Variants in SYNPO2 observed in about 807,000 individuals in gnomAD.
The protein encoded by SYNPO2 is synaptopodin-2.
SYNPO2 carries 56 observed loss-of-function variants against 85.0 expected under a neutral mutation model. The ratio of observed to expected loss-of-function variants is 0.66; its 90% confidence interval spans 0.53 to 0.82. The LOEUF is 0.82. Among genes scored for constraint, SYNPO2 ranks in the 40% least tolerant of loss-of-function variants. SYNPO2 has a pLI of 0.00. For synonymous variants in SYNPO2, 602 were observed against 591.1 expected, an observed-to-expected ratio of 1.02 and a Z score of -0.27; for missense variants, 1,575 against 1,534.2, an observed-to-expected ratio of 1.03 and a Z score of -0.44.
intron 1 of SYNPO2, among the ~76,000 whole-genome samples, chr4:118,943,035 A>C (rs1258099759): frequency 6.6e-6 from 1 of 151,956 alleles, no homozygotes; most frequent in Non-Finnish European, 1.5e-5. Flanking sequence ...TGAACCTGGG[A>C]GGCAGAGGTT....
chr4:118,908,490 G>A (rs772723038), intron 1 of SYNPO2, among the ~76,000 whole-genome samples: 5 of 152,018 alleles, frequency 3.3e-5, no homozygotes, highest in Non-Finnish European at 5.9e-5. Context: ...ATTTTAGTTC[G>A]ATTAGATTTC....
chr4:118,948,361 T>A (rs1356676193), intron 1 of SYNPO2, among the ~76,000 whole-genome samples: 3 of 152,216 alleles, frequency 2.0e-5, no homozygotes, highest in Non-Finnish European at 2.9e-5. Context: ...ACATGGGGAA[T>A]CCATATAAAT....
chr4:118,903,109 T>TA (rs143433420), intron 1 of SYNPO2, among the ~76,000 whole-genome samples: 2,085 of 151,918 alleles, frequency 0.014, 39 homozygotes, highest in African/African-American at 0.047. Flanking sequence ...CCTTTGTAGA[T>TA]AAAAAAAATA....
intron 1 of SYNPO2, among the ~76,000 whole-genome samples, chr4:119,007,635 C>T (rs889065931): frequency 3.3e-5 from 5 of 152,202 alleles, no homozygotes; most frequent in South Asian, 2.1e-4. Flanking sequence ...CACTCATCAG[C>T]GGCACCAGAG....
At chr4:118,917,145 A>C (rs1733364976) in intron 1 of SYNPO2, among the ~76,000 whole-genome samples, 1 of 152,176 alleles carries the variant, frequency 6.6e-6, no homozygotes, top group Admixed American at 6.5e-5. Context: ...AAATTCCAGC[A>C]CTTTGGGAGG....
chr4:119,019,158 C>T (rs1028670593), intron 1 of SYNPO2, among the ~76,000 whole-genome samples: 2 of 152,080 alleles, frequency 1.3e-5, no homozygotes, highest in East Asian at 1.9e-4. Flanking sequence ...AACAACCCCC[C>T]GTGACACGTG....
chr4:118,908,516 TA>T (rs1217044256), intron 1 of SYNPO2, among the ~76,000 whole-genome samples: 1 of 152,166 alleles, frequency 6.6e-6, no homozygotes, highest in Non-Finnish European at 1.5e-5. Flanking sequence ...CGTTTCAGGA[TA>T]AAAAACATTC....
chr4:119,008,900 A>G (rs1737184749), intron 1 of SYNPO2, among the ~76,000 whole-genome samples: 1 of 152,098 alleles, frequency 6.6e-6, no homozygotes, highest in Admixed American at 6.5e-5. Context: ...CGTTTTTTCT[A>G]TAAAGCAAGC....
intron 1 of SYNPO2, among the ~76,000 whole-genome samples, chr4:119,012,412 G>A (rs1737353257): frequency 8.3e-6 from 1 of 120,510 alleles, no homozygotes; most frequent in Non-Finnish European, 1.7e-5. Context: ...TTAAGTTCTG[G>A]GATACATGTG....
chr4:118,879,440 C>A (rs1732024022), intron 1 of SYNPO2, among the ~76,000 whole-genome samples: 1 of 152,104 alleles, frequency 6.6e-6, no homozygotes, highest in African/African-American at 2.4e-5. Flanking sequence ...GAGGATAGAG[C>A]CCTTGTGAAT....
chr4:118,863,586 C>T (rs527535264), intron 1 of SYNPO2, among the ~76,000 whole-genome samples: 2 of 151,976 alleles, frequency 1.3e-5, no homozygotes, highest in South Asian at 4.2e-4. Context: ...TTTTGCTTAA[C>T]TTTTCAAAAA....
At chr4:119,041,940 A>G (rs1378002734) in intron 4 of SYNPO2, 1 of 152,214 alleles carries the variant, frequency 6.6e-6, no homozygotes, top group Non-Finnish European at 1.5e-5. Flanking sequence ...GCTGTGAACT[A>G]CACTTTGAAT....
rs533598989 is a variant in SYNPO2 at position 119,032,119 on chromosome 4, G to A, written c.3252+92G>A. 28 of 1,534,802 alleles carry A rather than the reference G, an allele frequency of 1.8e-5. No homozygotes were observed. The East Asian group carries it at 5.8e-4, about 32-fold the overall frequency. The stretch of plus-strand genomic sequence containing the variant: ...ATGAATTGTTTGCAGTGTTTCTTGA[G>A]TCCCTGAGAATGCCTAGCAAAGTCC... On this transcript the variant is annotated intron_variant, in intron 4 of 4. Transcript: ENST00000307142.
At chr4:118,871,662 G>A (rs1731803503) in intron 1 of SYNPO2, among the ~76,000 whole-genome samples, 1 of 150,696 alleles carries the variant, frequency 6.6e-6, no homozygotes, top group Non-Finnish European at 1.5e-5. Flanking sequence ...TCCGCCTTCC[G>A]GGTTCACGCC....
chr4:118,951,830 T>G (rs558802465), intron 1 of SYNPO2, among the ~76,000 whole-genome samples: 2 of 152,180 alleles, frequency 1.3e-5, no homozygotes, highest in Non-Finnish European at 2.9e-5. Context: ...TATAAACTTT[T>G]TTAAGAAGCT....
intron 3 of SYNPO2, 140 bp from the exon 4 acceptor site, chr4:119,029,705 T>C: frequency 1.3e-6 from 1 of 787,196 alleles, no homozygotes; most frequent in Non-Finnish European, 1.9e-6. Context: ...AGAAATGTGT[T>C]GGATTCCTTC....
chr4:119,026,723 G>A lies in SYNPO2; in HGVS notation c.354G>A (p.Leu118=). 1 of 1,614,172 alleles carries A rather than the reference G, an allele frequency of 6.2e-7. No individual in the cohort carries two copies. Among genetic ancestry groups the A allele is most frequent in the Non-Finnish European group, 8.5e-7 (1 of 1,180,014 alleles). Residue 118 remains leucine, a synonymous_variant, in exon 3 of 5, where the codon CTG becomes CTA. Coordinates refer to ENST00000307142, the MANE Select transcript of SYNPO2 (RefSeq NM_133477.3). ...GGGGTTATGTGGAAAGTACCACCCT[G>A]CAGATTCGACCGGCCACAAAGACCC... ...THGGYVESTT[L]QIRPATKTQC... is the part of the protein sequence containing the mutation.
intron 1 of SYNPO2, among the ~76,000 whole-genome samples, chr4:118,879,702 C>G (rs1007643382): frequency 1.3e-5 from 2 of 152,148 alleles, no homozygotes; most frequent in Admixed American, 6.5e-5. Flanking sequence ...CTGCAAAGGT[C>G]TTGGGGTTCA....
At chr4:119,024,411 C>T (rs567219738) in intron 2 of SYNPO2, among the ~76,000 whole-genome samples, 15 of 152,234 alleles carry the variant, frequency 9.9e-5, no homozygotes, top group African/African-American at 3.6e-4. Flanking sequence ...CAAGATGAAC[C>T]TCAAGGTCCT....
Sources: gnomAD v4.1 joint callset for allele counts (sites outside exome capture counted in the v4.1 genomes callset) on GRCh38, gnomAD v4.1.1 for gene constraint, MANE v1.5 for transcripts, NCBI Gene and HGNC (gene_info 2026-07-23, HGNC 2026-07-21) for gene names.